NIBAN1: variants seen among roughly 807,000 people sequenced by gnomAD.
NIBAN1 encodes niban apoptosis regulator 1, also known as protein Niban 1.
In NIBAN1, 81 loss-of-function variants were observed where a neutral mutation model predicts 75.1. That is an observed-to-expected ratio of 1.08 (90% CI 0.90 to 1.30). The LOEUF is 1.30. Among genes scored for constraint, NIBAN1 ranks in the 50% most tolerant of loss-of-function variants. NIBAN1 has a pLI of 0.00. For synonymous variants in NIBAN1, 436 were observed against 424.8 expected, an observed-to-expected ratio of 1.03 and a Z score of -0.32; for missense variants, 1,133 against 1,128.1, an observed-to-expected ratio of 1.00 and a Z score of -0.06.
At chr1:184,841,923 AT>A (rs1412364431) in intron 5 of NIBAN1, among the ~76,000 whole-genome samples, 2 of 152,156 alleles carry the variant, frequency 1.3e-5, no homozygotes, top group East Asian at 1.9e-4. Context: ...CATGTGAGAT[AT>A]GTCTTTCCCC....
chr1:184,961,487 T>C (rs1658646053), intron 1 of NIBAN1, among the ~76,000 whole-genome samples: 1 of 152,192 alleles, frequency 6.6e-6, no homozygotes, highest in South Asian at 2.1e-4. Context: ...ATTGCCACCA[T>C]CAGTTTTCTA....
At chr1:184,895,316 C>T (rs1005187907) in intron 2 of NIBAN1, among the ~76,000 whole-genome samples, 4 of 152,212 alleles carry the variant, frequency 2.6e-5, no homozygotes, top group African/African-American at 9.6e-5. Context: ...AAACCTGGAC[C>T]ACTTAATCAA....
At chr1:184,807,921 T>G (rs1654251113) in intron 10 of NIBAN1, 153 bp downstream of exon 10, 2 of 775,938 alleles carry the variant, frequency 2.6e-6, no homozygotes, top group South Asian at 3.0e-5. Flanking sequence ...ATGAAGCCAG[T>G]GGAGGGACAG....
intron 1 of NIBAN1, among the ~76,000 whole-genome samples, chr1:184,927,969 A>G (rs576283667): frequency 3.9e-5 from 6 of 152,102 alleles, no homozygotes; most frequent in Non-Finnish European, 7.4e-5. Context: ...ACCTGAATCC[A>G]GCACAGCTCT....
intron 1 of NIBAN1, among the ~76,000 whole-genome samples, chr1:184,943,836 C>T (rs1658156537): frequency 6.6e-6 from 1 of 152,140 alleles, no homozygotes; most frequent in African/African-American, 2.4e-5. Flanking sequence ...TTCTAACACA[C>T]TGCACTAGAC....
chr1:184,873,057 A>T (rs1171308425), intron 5 of NIBAN1, among the ~76,000 whole-genome samples: 3 of 152,238 alleles, frequency 2.0e-5, no homozygotes, highest in Non-Finnish European at 4.4e-5. Flanking sequence ...TGGAAGCCAG[A>T]AGATCATGAA....
chr1:184,970,854 C>T (rs558972246), intron 1 of NIBAN1, among the ~76,000 whole-genome samples: 3 of 152,114 alleles, frequency 2.0e-5, no homozygotes, highest in East Asian at 1.9e-4. Flanking sequence ...CTTTTTGATT[C>T]GTTAAAAATT....
intron 1 of NIBAN1, among the ~76,000 whole-genome samples, chr1:184,973,417 C>T (rs957308015): frequency 1.4e-5 from 2 of 144,860 alleles, no homozygotes; most frequent in Admixed American, 7.1e-5. Flanking sequence ...TTTCTGAAGC[C>T]GAGGGTGGGG....
At chr1:184,832,838 T>C (rs569357484) in intron 5 of NIBAN1, among the ~76,000 whole-genome samples, 41 of 152,306 alleles carry the variant, frequency 2.7e-4, no homozygotes, top group African/African-American at 9.9e-4. Context: ...CAGAGTTCCA[T>C]AAGTCATGCT....
At chr1:184,900,802 G>T (rs571062341) in intron 1 of NIBAN1, among the ~76,000 whole-genome samples, 2 of 152,162 alleles carry the variant, frequency 1.3e-5, no homozygotes, top group Non-Finnish European at 2.9e-5. Context: ...GATTGTGCTC[G>T]TAAGCGATGA....
At chr1:184,921,630 A>G (rs1322448644) in intron 1 of NIBAN1, among the ~76,000 whole-genome samples, 1 of 152,198 alleles carries the variant, frequency 6.6e-6, no homozygotes, top group African/African-American at 2.4e-5. Flanking sequence ...AGCACACAAT[A>G]TTTGCCCAAC....
intron 2 of NIBAN1, among the ~76,000 whole-genome samples, chr1:184,898,170 C>T (rs1239246889): frequency 4.6e-5 from 7 of 152,178 alleles, no homozygotes; most frequent in Admixed American, 4.6e-4. Context: ...AGCAGACCGA[C>T]CTTCCCTCTG....
At position 184,823,643 on chromosome 1, in the gene NIBAN1, G is replaced by A; in HGVS notation, c.817C>T (p.Leu273Phe). ...AGAGCAAAACCATTGCTTACACCAA[G>A]CCACGTCCTCTTTCTGTCATTCTTC... is the stretch of plus-strand genomic sequence containing the variant. ...GKKNDRKRTW[L>F]GLLEEAYTLV... The change falls in exon 7 of 14, where the codon CTT becomes TTT. Residue 273 changes from leucine to phenylalanine, a missense_variant. Leu to Phe is a conservative substitution (Grantham distance 22, BLOSUM62 0). Coordinates refer to ENST00000367511, the MANE Select transcript of NIBAN1 (RefSeq NM_052966.4). The A allele has an allele frequency of 1.2e-6, 2 of 1,614,052 alleles. No homozygotes were observed. Among genetic ancestry groups the A allele is most frequent in the Non-Finnish European group, 1.7e-6 (2 of 1,179,950 alleles).
chr1:184,941,052 G>A (rs984266144), intron 1 of NIBAN1, among the ~76,000 whole-genome samples: 30 of 152,120 alleles, frequency 2.0e-4, no homozygotes, highest in African/African-American at 6.0e-4. Context: ...GATATACATT[G>A]CATTGACTCT....
intron 5 of NIBAN1, among the ~76,000 whole-genome samples, chr1:184,877,469 C>T (rs1339517588): frequency 6.6e-6 from 1 of 152,110 alleles, no homozygotes; most frequent in East Asian, 1.9e-4. Context: ...TAAATCTACT[C>T]AATATTTAAT....
chr1:184,822,183 G>A lies in NIBAN1; in HGVS notation c.985+984C>T, dbSNP rs546917062. ...AGACTGTCAATAAACAATCACAGATGAGCCTGCAAGCTTCTCCTCTGAAGT... is the reference window on the plus strand; with the variant it reads ...AGACTGTCAATAAACAATCACAGATAAGCCTGCAAGCTTCTCCTCTGAAGT... On this transcript the variant is annotated intron_variant, in intron 8 of 13. Coordinates refer to ENST00000367511, the MANE Select transcript of NIBAN1 (RefSeq NM_052966.4). Among the ~76,000 whole-genome samples the A allele has an allele frequency of 2.6e-5, 4 of 152,330 alleles. No homozygotes were observed. In the East Asian group the frequency reaches 5.8e-4, roughly 22 times the overall value.
chr1:184,949,885 G>A (rs768512660), intron 1 of NIBAN1, among the ~76,000 whole-genome samples: 4 of 152,030 alleles, frequency 2.6e-5, no homozygotes, highest in Non-Finnish European at 5.9e-5. Context: ...CTGGGTTGGG[G>A]TCCCTGCTCT....
chr1:184,900,116 A>T (rs943169818), intron 1 of NIBAN1, among the ~76,000 whole-genome samples: 5 of 151,984 alleles, frequency 3.3e-5, no homozygotes, highest in Admixed American at 6.6e-5. Flanking sequence ...ACACCTGGCC[A>T]TCACTCCCTT....
chr1:184,845,036 G>T (rs1331096833), intron 5 of NIBAN1, among the ~76,000 whole-genome samples: 1 of 152,210 alleles, frequency 6.6e-6, no homozygotes, highest in South Asian at 2.1e-4. Flanking sequence ...AGAAGAACCA[G>T]TACCGCCAAC....
Sources: allele counts gnomAD v4.1 joint callset (sites outside exome capture counted in the v4.1 genomes callset), GRCh38; gene constraint gnomAD v4.1.1; transcripts MANE v1.5; gene names NCBI Gene and HGNC (gene_info 2026-07-23, HGNC 2026-07-21).